Variants in SORCS2 observed in about 807,000 individuals in gnomAD.
The protein encoded by SORCS2 is sortilin related VPS10 domain containing receptor 2.
A neutral mutation model predicts 141.6 loss-of-function variants in SORCS2; 100 were observed. The observed-to-expected ratio is 0.71, with a 90% CI of 0.60 to 0.83. The LOEUF (loss-of-function observed/expected upper bound fraction) is 0.83, where lower values mean the gene tolerates loss of function less well. Ranked by LOEUF, SORCS2 falls within the 40% of genes least tolerant of loss-of-function variation. The probability of loss-of-function intolerance (pLI) is 0.00; values close to 1 mark genes in which losing one functional copy is unlikely to be tolerated. For synonymous variants in SORCS2, 789 were observed against 676.9 expected, an observed-to-expected ratio of 1.17 and a Z score of -2.57; for missense variants, 1,646 against 1,560.2, an observed-to-expected ratio of 1.05 and a Z score of -0.93.
Position 7,330,870 on chromosome 4 carries a change from C to T in SORCS2, c.481-65418C>T, listed in dbSNP as rs111282554. The stretch of plus-strand genomic sequence containing the variant: ...TCTCCCACCACGTGTGTTCCACAGA[C>T]GTGGACTCGCGGCCGCCATGGACAG... On this transcript the variant is annotated intron_variant, in intron 1 of 26. Transcript: ENST00000507866. 7.9e-5 allele frequency among the ~76,000 whole-genome samples: 12 copies of T among 152,204 alleles called. No homozygotes were observed. The East Asian group carries it at 1.6e-3, about 20-fold the overall frequency.
chr4:7,434,061 G>C, intron 2 of SORCS2: 2 of 1,611,234 alleles, frequency 1.2e-6, no homozygotes, highest in Non-Finnish European at 1.7e-6. Context: ...GCTCCAGGGA[G>C]GGGACCCCGT....
intron 1 of SORCS2, among the ~76,000 whole-genome samples, chr4:7,238,364 C>T (rs1187658510): frequency 1.3e-5 from 2 of 152,090 alleles, no homozygotes; most frequent in Non-Finnish European, 2.9e-5. Context: ...AAAGTCAAAT[C>T]CAGACTGAGG....
chr4:7,516,301 C>T (rs1427440484), intron 2 of SORCS2, among the ~76,000 whole-genome samples: 3 of 152,096 alleles, frequency 2.0e-5, no homozygotes, highest in South Asian at 2.1e-4. Flanking sequence ...TGGGGAGGGA[C>T]GGCAGGCCTC....
chr4:7,216,479 C>T (rs1728358511), intron 1 of SORCS2, among the ~76,000 whole-genome samples: 1 of 152,170 alleles, frequency 6.6e-6, no homozygotes, highest in East Asian at 1.9e-4. Flanking sequence ...TTCTGGAGGC[C>T]AGAAGTCCAA....
chr4:7,229,305 G>C (rs1711651359), intron 1 of SORCS2, among the ~76,000 whole-genome samples: 1 of 150,800 alleles, frequency 6.6e-6, no homozygotes, highest in East Asian at 2.0e-4. Context: ...ACCCCCTAAA[G>C]AATGTCCCTG....
Position 7,351,709 on chromosome 4 carries a change from C to CCATCCATCCAT in SORCS2, c.481-44578_481-44577insATCCATCCATC, listed in dbSNP as rs76181180. Among the ~76,000 whole-genome samples the CCATCCATCCAT allele has an allele frequency of 5.9e-3, 899 of 151,374 alleles. 7 individuals carry two copies. Among genetic ancestry groups the CCATCCATCCAT allele is most frequent in the East Asian group, 0.024 (120 of 5,104 alleles). On this transcript the variant is annotated intron_variant, in intron 1 of 26. Coordinates refer to ENST00000507866, the MANE Select transcript of SORCS2 (RefSeq NM_020777.3). The stretch of plus-strand genomic sequence containing the variant: ...TCCATCCATCCATCCATCCATCCAT[C>CCATCCATCCAT]CTTCTACCCATCCATCTTCCCATCT...
intron 1 of SORCS2, among the ~76,000 whole-genome samples, chr4:7,302,669 A>G (rs1717509069): frequency 6.6e-6 from 1 of 151,390 alleles, no homozygotes; most frequent in Non-Finnish European, 1.5e-5. Context: ...TTTGTCTCTC[A>G]TCTGTCTTCT....
intron 5 of SORCS2, among the ~76,000 whole-genome samples, chr4:7,661,217 C>T (rs1168158524): frequency 1.5e-5 from 2 of 129,376 alleles, no homozygotes; most frequent in African/African-American, 2.8e-5. Flanking sequence ...AGAAACCCAA[C>T]CCCCTCAGCT....
intron 14 of SORCS2, 39 bp from the exon 15 acceptor site, chr4:7,712,694 A>G (rs1217606060): frequency 1.2e-6 from 2 of 1,613,032 alleles, no homozygotes; most frequent in East Asian, 4.5e-5. Context: ...GGCCTAATGA[A>G]GGTGGTTTTC....
intron 2 of SORCS2, among the ~76,000 whole-genome samples, chr4:7,440,383 A>T (rs1382899765): frequency 2.6e-5 from 4 of 152,238 alleles, no homozygotes; most frequent in African/African-American, 9.6e-5. Context: ...GATGCTGACC[A>T]AGGGAGAGCA....
rs897599093 is a variant in SORCS2, at chr4:7,705,066, G to C, written c.1868+782G>C. ...GAATGGGACCTTATTTGGAAATGGG[G>C]TTATTGTCAATGTAATTAAGCCAAG... On this transcript the variant is annotated intron_variant, in intron 14 of 26. Coordinates refer to ENST00000507866, the MANE Select transcript of SORCS2 (RefSeq NM_020777.3). Among the ~76,000 whole-genome samples the C allele has an allele frequency of 6.6e-5, 10 of 152,296 alleles. No homozygotes were observed. In the South Asian group the frequency reaches 8.3e-4, roughly 13 times the overall value.
rs1209508793 is a variant in SORCS2, at chr4:7,742,186, G to C, written c.*1922G>C. ...CAGGACGTGGGGCCATGACTCTCTG[G>C]GACCTTGCCACAGCCCCCATTCCCC... On this transcript the variant is annotated 3_prime_UTR_variant, in exon 27 of 27. Coordinates refer to ENST00000507866, the MANE Select transcript of SORCS2 (RefSeq NM_020777.3). 1 of 152,210 alleles carries C rather than the reference G, an allele frequency of 6.6e-6. No homozygotes were observed. The highest frequency in any genetic ancestry group is 1.5e-5 in the Non-Finnish European group (1 of 68,064). 9.4% of individuals were successfully genotyped at this position (152,210 alleles called of 1,614,324 possible).
chr4:7,637,306 G>C (rs1190085086), intron 3 of SORCS2, among the ~76,000 whole-genome samples: 1 of 77,200 alleles, frequency 1.3e-5, no homozygotes, highest in East Asian at 5.7e-4. Context: ...CCCTACATCA[G>C]CACCTCGGGC....
intron 1 of SORCS2, among the ~76,000 whole-genome samples, chr4:7,391,008 T>C (rs1016720543): frequency 6.6e-6 from 1 of 152,148 alleles, no homozygotes; most frequent in African/African-American, 2.4e-5. Context: ...ATGTTCTGAT[T>C]TCTGGTCTAA....
intron 1 of SORCS2, among the ~76,000 whole-genome samples, chr4:7,245,863 A>G (rs1445614631): frequency 6.6e-6 from 1 of 152,138 alleles, no homozygotes; most frequent in African/African-American, 2.4e-5. Flanking sequence ...AGATGAGGAA[A>G]CTGACTTTCA....
At chr4:7,409,538 C>T (rs945906601) in intron 2 of SORCS2, among the ~76,000 whole-genome samples, 4 of 152,220 alleles carry the variant, frequency 2.6e-5, no homozygotes, top group African/African-American at 9.6e-5. Flanking sequence ...CTCCCTTCAG[C>T]ACTTGAGTTG....
At chr4:7,543,931 C>CCAT (rs1713008223) in intron 3 of SORCS2, among the ~76,000 whole-genome samples, 1 of 41,960 alleles carries the variant, frequency 2.4e-5, no homozygotes, top group African/African-American at 1.1e-4. Context: ...CACCCATCCA[C>CCAT]CCATCCACCC....
intron 6 of SORCS2, among the ~76,000 whole-genome samples, chr4:7,662,540 T>C (rs1438618716): frequency 6.6e-6 from 1 of 152,202 alleles, no homozygotes; most frequent in Admixed American, 6.5e-5. Context: ...GTAAGGCTGC[T>C]GAATGAATAA....
At chr4:7,432,479 G>A (rs1200630205) in intron 2 of SORCS2, 1 of 152,094 alleles carries the variant, frequency 6.6e-6, no homozygotes, top group Non-Finnish European at 1.5e-5. Flanking sequence ...CAGACAGCTG[G>A]AGGGCTGTGT....
Sources: gnomAD v4.1 joint callset for allele counts (sites outside exome capture counted in the v4.1 genomes callset) on GRCh38, gnomAD v4.1.1 for gene constraint, MANE v1.5 for transcripts, NCBI Gene and HGNC (gene_info 2026-07-23, HGNC 2026-07-21) for gene names.